Variants in MDM1 observed in about 807,000 individuals in gnomAD.
MDM1 encodes stabilizer of axonemal microtubules 6.
In MDM1, 61 loss-of-function variants were observed where a neutral mutation model predicts 89.1. The observed-to-expected ratio is 0.68, with a 90% CI of 0.56 to 0.85. MDM1 has a LOEUF of 0.85. MDM1 is among the 40% of genes least tolerant of loss of function. The pLI is 0.00. For synonymous variants in MDM1, 290 were observed against 294.1 expected (o/e 0.99, Z 0.14); for missense variants, 820 against 846.5 (o/e 0.97, Z 0.39).
Position 68,332,288 on chromosome 12 carries a change from G to C in MDM1, c.-43C>G. The C allele has an allele frequency of 6.4e-7, 1 of 1,568,602 alleles. No homozygotes were observed. The highest frequency in any genetic ancestry group is 8.6e-7 in the Non-Finnish European group (1 of 1,158,162). On this transcript the variant is annotated 5_prime_UTR_variant, in exon 1 of 15. Transcript: ENST00000682720. ...CCCCCGCTACTCCGACAGTTAACTG[G>C]AGAAAAAGCTCCGAGGGGGCGGGGC...
At chr12:68,302,985 A>ACACACC in intron 12 of MDM1, 113 bp from the exon 13 acceptor site, 1 of 966,804 alleles carries the variant, frequency 1.0e-6, no homozygotes, top group Non-Finnish European at 1.5e-6. Flanking sequence ...GAGAAATATG[A>ACACACC]GAGAATTTAT....
chr12:68,330,911 T>C (rs1037721060), intron 2 of MDM1, 196 bp downstream of exon 2: 1 of 532,514 alleles, frequency 1.9e-6, no homozygotes. Context: ...CACTAGCTGC[T>C]GGGAATAGTC....
chr12:68,299,026 C>T (rs1437753763), intron 13 of MDM1, among the ~76,000 whole-genome samples: 5 of 151,906 alleles, frequency 3.3e-5, no homozygotes, highest in East Asian at 1.9e-4. Flanking sequence ...AACCAAAGAA[C>T]TTATAAAGAC....
At chr12:68,319,042 C>T (rs543289927) in intron 7 of MDM1, among the ~76,000 whole-genome samples, 4 of 152,198 alleles carry the variant, frequency 2.6e-5, no homozygotes, top group African/African-American at 9.6e-5. Context: ...GTGGAAGACA[C>T]ATTGGAATAA....
intron 4 of MDM1, chr12:68,325,154 T>C (rs963696792): frequency 1.9e-6 from 2 of 1,028,362 alleles, no homozygotes; most frequent in Non-Finnish European, 2.3e-6. Context: ...AAAAATCTTG[T>C]AGCATGCAAA....
intron 2 of MDM1, 137 bp from the exon 3 acceptor site, chr12:68,327,158 C>T (rs1236278781): frequency 2.9e-6 from 4 of 1,395,232 alleles, no homozygotes; most frequent in South Asian, 1.8e-5. Flanking sequence ...ACACAATATC[C>T]TTCAGATTAT....
intron 12 of MDM1, among the ~76,000 whole-genome samples, chr12:68,306,638 A>G (rs1872924453): frequency 6.6e-6 from 1 of 152,246 alleles, no homozygotes; most frequent in Non-Finnish European, 1.5e-5. Flanking sequence ...AATGCTCAAC[A>G]TTGCTAATCA....
intron 2 of MDM1, chr12:68,327,614 G>C: frequency 8.9e-7 from 1 of 1,118,444 alleles, no homozygotes; most frequent in Middle Eastern, 2.2e-4. Context: ...CTTCTATGAA[G>C]GTAAGAGCAG....
At chr12:68,323,406 C>A (rs2121103986) in intron 4 of MDM1, 166 bp from the exon 5 acceptor site, 1 of 534,202 alleles carries the variant, frequency 1.9e-6, no homozygotes, top group Non-Finnish European at 3.2e-6. Context: ...CAAAGGTCAA[C>A]TTTATGTACT....
chr12:68,298,136 G>A (rs1362404811), intron 13 of MDM1, among the ~76,000 whole-genome samples: 2 of 152,146 alleles, frequency 1.3e-5, no homozygotes, highest in Non-Finnish European at 2.9e-5. Flanking sequence ...AACTGACACA[G>A]TCCATTATAT....
Position 68,315,202 on chromosome 12 carries a change from ATTTCCTT to A in MDM1, c.1268_1274del (p.Lys423IlefsTer83). The A allele has an allele frequency of 6.2e-7, 1 of 1,614,028 alleles. No homozygotes were observed. Among genetic ancestry groups the A allele is most frequent in the African/African-American group, 1.3e-5 (1 of 74,986 alleles). The stretch of plus-strand genomic sequence containing the variant: ...TTTTCTGGGGCTGTTCTTCCACGAT[ATTTCCTT>A]TTTCTTCTGGTTCTGTAGAAGGACA... On this transcript the variant is annotated frameshift_variant, in exon 10 of 15. Coordinates refer to ENST00000682720, the MANE Select transcript of MDM1 (RefSeq NM_001354969.2). LOFTEE classifies it high-confidence loss of function.
intron 4 of MDM1, 51 bp downstream of exon 4, chr12:68,325,390 T>C: frequency 7.0e-7 from 1 of 1,433,864 alleles, no homozygotes; most frequent in East Asian, 2.5e-5. Flanking sequence ...TAAATCTACA[T>C]TACTAGATAA....
chr12:68,318,059 C>T (rs755384980), intron 7 of MDM1, among the ~76,000 whole-genome samples: 1 of 152,200 alleles, frequency 6.6e-6, no homozygotes, highest in Non-Finnish European at 1.5e-5. Context: ...AGCCCACAAC[C>T]TGTCCTGAGT....
At chr12:68,314,148 A>AG (rs1166842502) in intron 10 of MDM1, among the ~76,000 whole-genome samples, 2 of 151,904 alleles carry the variant, frequency 1.3e-5, no homozygotes, top group Non-Finnish European at 2.9e-5. Context: ...AAAAAAAAAA[A>AG]AAAAAACTTG....
chr12:68,307,004 G>T (rs1039319148), intron 12 of MDM1, among the ~76,000 whole-genome samples: 4 of 152,170 alleles, frequency 2.6e-5, no homozygotes, highest in African/African-American at 9.7e-5. Flanking sequence ...ATAGAATACT[G>T]CGCAGCCATA....
At chr12:68,316,435 G>C in intron 8 of MDM1, 146 bp downstream of exon 8, 1 of 928,178 alleles carries the variant, frequency 1.1e-6, no homozygotes. Context: ...TCAAGCTAAA[G>C]CATGATGCAG....
At chr12:68,300,895 A>T (rs893525575) in intron 13 of MDM1, among the ~76,000 whole-genome samples, 1 of 152,244 alleles carries the variant, frequency 6.6e-6, no homozygotes, top group African/African-American at 2.4e-5. Flanking sequence ...ACATTTTCCA[A>T]AATAGACCAC....
At chr12:68,299,802 G>C (rs1871902127) in intron 13 of MDM1, among the ~76,000 whole-genome samples, 1 of 152,164 alleles carries the variant, frequency 6.6e-6, no homozygotes, top group East Asian at 1.9e-4. Context: ...CCTTGCTAGA[G>C]ATTTAAATAT....
chr12:68,309,212 G>C (rs1873354746), intron 12 of MDM1, among the ~76,000 whole-genome samples: 2 of 152,132 alleles, frequency 1.3e-5, no homozygotes, highest in Non-Finnish European at 2.9e-5. Context: ...ACACTGTATT[G>C]GTCTTTGTTT....
Sources: gnomAD v4.1 joint callset for allele counts (sites outside exome capture counted in the v4.1 genomes callset) on GRCh38, gnomAD v4.1.1 for gene constraint, MANE v1.5 for transcripts, NCBI Gene and HGNC (gene_info 2026-07-23, HGNC 2026-07-21) for gene names.